Variants in ZNF157 observed in about 807,000 individuals in gnomAD.
ZNF157 encodes zinc finger protein 157.
A neutral mutation model predicts 9.4 loss-of-function variants in ZNF157; 8 were observed. The observed-to-expected ratio is 0.85, with a 90% CI of 0.50 to 1.53. ZNF157 has a LOEUF of 1.53. Among genes scored for constraint, ZNF157 ranks in the 40% most tolerant of loss-of-function variants. The pLI is 0.00. For synonymous variants in ZNF157, 120 were observed against 130.8 expected, an observed-to-expected ratio of 0.92 and a Z score of 0.56; for missense variants, 316 against 385.2, an observed-to-expected ratio of 0.82 and a Z score of 1.50.
chrX:47,373,918 A>C (rs1266137952), intron 1 of ZNF157, among the ~76,000 whole-genome samples: 2 of 104,717 alleles, frequency 1.9e-5, no homozygotes, highest in Non-Finnish European at 3.9e-5. Flanking sequence ...CTGGTCTTGA[A>C]CTCCTGGCCT....
intron 1 of ZNF157, among the ~76,000 whole-genome samples, chrX:47,387,124 A>ATT (rs753975045): frequency 2.3e-5 from 2 of 86,741 alleles, no homozygotes; most frequent in African/African-American, 8.5e-5. Flanking sequence ...TGCCCTGCTA[A>ATT]TTTTTTTTTT....
intron 1 of ZNF157, among the ~76,000 whole-genome samples, chrX:47,409,839 C>T (rs1024133354): frequency 2.2e-5 from 2 of 91,274 alleles, no homozygotes; most frequent in Non-Finnish European, 4.4e-5. Flanking sequence ...AGATGGGGTT[C>T]ACCCCATCTC....
chrX:47,389,584 G>A (rs1028391672), intron 1 of ZNF157, among the ~76,000 whole-genome samples: 2 of 111,540 alleles, frequency 1.8e-5, no homozygotes, highest in Admixed American at 1.9e-4. Flanking sequence ...GTCTCATTCA[G>A]TTTTTAAGTA....
chrX:47,401,992 C>T (rs1055434055), intron 1 of ZNF157, among the ~76,000 whole-genome samples: 7 of 111,596 alleles, frequency 6.3e-5, no homozygotes, highest in African/African-American at 1.9e-4. Flanking sequence ...CCGCTTCGGC[C>T]TCTCAAAGTG....
chrX:47,403,447 C>T (rs1027121773), intron 1 of ZNF157, among the ~76,000 whole-genome samples: 11 of 110,181 alleles, frequency 1.0e-4, no homozygotes, highest in East Asian at 8.7e-4. Context: ...GATTCTCCCA[C>T]GTCAGCCTCA....
At chrX:47,406,597 A>G (rs1300881556) in intron 1 of ZNF157, among the ~76,000 whole-genome samples, 1 of 110,554 alleles carries the variant, frequency 9.0e-6, no homozygotes, top group Non-Finnish European at 1.9e-5. Flanking sequence ...CTGGTCTTGA[A>G]CTCCTGACCT....
chrX:47,414,217 G>A lies in ZNF157; in HGVS notation c.*623G>A, dbSNP rs1296628411. The A allele has an allele frequency of 9.1e-6, 1 of 110,433 alleles. No homozygotes were observed. The highest frequency in any genetic ancestry group is 1.9e-5 in the Non-Finnish European group (1 of 52,893). The allele number at this position is 110,433 out of a possible 1,213,427, so 9.1% of individuals were successfully genotyped here. A position where few individuals can be genotyped will look rare whatever the true frequency, so the allele number is the denominator to read the frequency against. On this transcript the variant is annotated 3_prime_UTR_variant, in exon 4 of 4. Transcript: ENST00000377073. The stretch of plus-strand genomic sequence containing the variant: ...AGTAAAGACGGGGTTTCACCATGTT[G>A]GCCAGGCTGGTCTCTAACTCCTGAC...
Position 47,413,231 on chromosome X carries a change from C to T in ZNF157, c.1158C>T (p.Tyr386=), listed in dbSNP as rs61736396. The T allele has an allele frequency of 4.5e-3, 5,417 of 1,209,436 alleles. 141 individuals are homozygous for T. The African/African-American group carries it at 0.082, about 18-fold the overall frequency. ...HQRIHTGEKP[Y]ECNECGNAFY... Reference sequence around the variant, plus strand: ...GAATTCACACAGGAGAGAAACCTTACGAATGTAATGAGTGTGGTAATGCTT... The same window carrying T: ...GAATTCACACAGGAGAGAAACCTTATGAATGTAATGAGTGTGGTAATGCTT... The change falls in exon 4 of 4, where the codon TAC becomes TAT. Residue 386 remains tyrosine (Y), a synonymous_variant. Coordinates refer to ENST00000377073, the MANE Select transcript of ZNF157 (RefSeq NM_003446.4).
rs774513936 is a variant in ZNF157, at chrX:47,412,929, AAGATAT to A, written c.857_862del (p.Lys286_Ser288delinsThr). On this transcript the variant is annotated inframe_deletion, in exon 4 of 4. Transcript: ENST00000377073. ...TGAATGTGGGAAAACATTTCGTGTAAAGATATCCCTTACCCAACACCACAGAACTCA... is the reference window on the plus strand; with the variant it reads ...TGAATGTGGGAAAACATTTCGTGTAACCCTTACCCAACACCACAGAACTCA... 1.7e-6 allele frequency: 2 copies of A among 1,209,850 alleles called. No homozygotes were observed. Among genetic ancestry groups the A allele is most frequent in the Admixed American group, 4.4e-5 (2 of 45,695 alleles).
In ZNF157 at chrX:47,413,083, A is replaced by G. The variant is rs775199060; in HGVS notation, c.1010A>G (p.Lys337Arg). The G allele has an allele frequency of 5.0e-6, 6 of 1,210,934 alleles. No individual in the cohort carries two copies. In the South Asian group the frequency reaches 1.1e-4, roughly 21 times the overall value. The change falls in exon 4 of 4, where the codon AAA becomes AGA. Residue 337 changes from lysine (K) to arginine (R), a missense_variant. Coordinates refer to ENST00000377073, the MANE Select transcript of ZNF157 (RefSeq NM_003446.4). ...EKPYECGECG[K>R]FFRMKMTLNN... ...CCCTATGAGTGTGGTGAATGTGGGA[A>G]ATTCTTCCGAATGAAGATGACTCTC...
chrX:47,393,219 T>C (rs549965738), intron 1 of ZNF157, among the ~76,000 whole-genome samples: 4 of 111,529 alleles, frequency 3.6e-5, no homozygotes, highest in African/African-American at 1.3e-4. Context: ...CCTCTGCACC[T>C]GCGGTTCTGC....
intron 1 of ZNF157, among the ~76,000 whole-genome samples, chrX:47,381,199 A>AAGCAGCAGGAGGAGG (rs1222004664): frequency 1.4e-5 from 1 of 69,479 alleles, no homozygotes; most frequent in African/African-American, 5.6e-5. Context: ...GGAGGAGGAG[A>AAGCAGCAGGAGGAGG]AGCAGCAGGA....
At chrX:47,371,484 G>GA (rs57315879) in intron 1 of ZNF157, among the ~76,000 whole-genome samples, 39,513 of 109,830 alleles carry the variant, frequency 0.36, 5,580 homozygotes, top group African/African-American at 0.49. Context: ...CCACAAAAAG[G>GA]AAAAAAAGGA....
chrX:47,385,107 G>A (rs1212797392), intron 1 of ZNF157, among the ~76,000 whole-genome samples: 1 of 111,598 alleles, frequency 9.0e-6, no homozygotes, highest in African/African-American at 3.3e-5. Flanking sequence ...ATCGTGTTTG[G>A]ATGTCCCAAT....
chrX:47,391,546 T>C (rs983109796), intron 1 of ZNF157, among the ~76,000 whole-genome samples: 2 of 112,054 alleles, frequency 1.8e-5, no homozygotes, highest in Admixed American at 9.6e-5. Flanking sequence ...GGATTTTTTT[T>C]CCCCTCTCCT....
At chrX:47,378,263 G>A (rs2055851073) in intron 1 of ZNF157, among the ~76,000 whole-genome samples, 2 of 110,975 alleles carry the variant, frequency 1.8e-5, no homozygotes, top group Admixed American at 1.9e-4. Flanking sequence ...AGACCAGATC[G>A]AGCCAGTTTA....
At chrX:47,374,950 C>G (rs1249098371) in intron 1 of ZNF157, among the ~76,000 whole-genome samples, 1 of 101,692 alleles carries the variant, frequency 9.8e-6, no homozygotes, top group Non-Finnish European at 2.0e-5. Context: ...ACCTCAGCCT[C>G]CCAAAGTTCT....
In ZNF157 at chrX:47,413,550, A is replaced by G. The variant is rs766463978; in HGVS notation, c.1477A>G (p.Ile493Val). The part of the protein sequence containing the change: ...AHLTEHQRTH[I>V]GWSWRCTMKK... Reference sequence around the variant, plus strand: ...CCTCACAGAACATCAGAGAACTCACATAGGCTGGTCCTGGCGTTGTACAAT... The same window carrying G: ...CCTCACAGAACATCAGAGAACTCACGTAGGCTGGTCCTGGCGTTGTACAAT... The change falls in exon 4 of 4, where the codon ATA becomes GTA. Residue 493 changes from isoleucine (I) to valine (V), a missense_variant. Physicochemically the swap from Ile to Val is conservative, Grantham distance 29. Coordinates refer to ENST00000377073, the MANE Select transcript of ZNF157 (RefSeq NM_003446.4). 4.2e-5 allele frequency: 51 copies of G among 1,208,520 alleles called. No homozygotes were observed. Among genetic ancestry groups the G allele is most frequent in the South Asian group, 8.8e-5 (5 of 56,540 alleles).
Position 47,398,745 on chromosome X carries a change from G to A in ZNF157, c.73-11531G>A, listed in dbSNP as rs962189802. Among the ~76,000 whole-genome samples, 9 of 109,573 alleles carry A rather than the reference G, an allele frequency of 8.2e-5. No individual in the cohort carries two copies. The South Asian group carries it at 1.6e-3, about 19-fold the overall frequency. On this transcript the variant is annotated intron_variant, in intron 1 of 3. Transcript: ENST00000377073. ...CACTCAGGCTGGAATGCAATGGTGCGATCTTGGTTCACTGCAACCCCTGCC... is the reference window on the plus strand; with the variant it reads ...CACTCAGGCTGGAATGCAATGGTGCAATCTTGGTTCACTGCAACCCCTGCC...
Sources: allele counts gnomAD v4.1 joint callset (sites outside exome capture counted in the v4.1 genomes callset), GRCh38; gene constraint gnomAD v4.1.1; transcripts MANE v1.5; gene names NCBI Gene and HGNC (gene_info 2026-07-23, HGNC 2026-07-21).